AKAP13: variants seen among roughly 807,000 people sequenced by gnomAD.
The protein encoded by AKAP13 is A-kinase anchor protein 13.
A neutral mutation model predicts 264.5 loss-of-function variants in AKAP13; 80 were observed. That is an observed-to-expected ratio of 0.30 (90% CI 0.25 to 0.36). The LOEUF (loss-of-function observed/expected upper bound fraction) is 0.36. Among genes scored for constraint, AKAP13 ranks in the 10% least tolerant of loss-of-function variants. The probability of loss-of-function intolerance (pLI) is 1.00; values close to 1 mark genes in which losing one functional copy is unlikely to be tolerated. For synonymous variants in AKAP13, 1,380 were observed against 1,250.2 expected (o/e 1.10, Z -2.19); for missense variants, 3,712 against 3,435.2 (o/e 1.08, Z -2.01).
intron 23 of AKAP13, among the ~76,000 whole-genome samples, chr15:85,720,512 T>C (rs568383218): frequency 3.8e-4 from 58 of 152,356 alleles, no homozygotes; most frequent in Admixed American, 3.3e-3. Flanking sequence ...CATAGACAGA[T>C]TTTAATGTTT....
rs1199778083 is a variant in AKAP13 at position 85,669,702 on chromosome 15, T to G, written c.4993-20T>G. ...GAGAGTATATGCTTACAACGTGTTC[T>G]TCACTTTTTTACTTCACAGATATGT... On this transcript the variant is annotated intron_variant, in intron 13 of 36. Coordinates refer to ENST00000394518, the MANE Select transcript of AKAP13 (RefSeq NM_007200.5). 6.5e-7 allele frequency: 1 copy of G among 1,549,582 alleles called. No individual in the cohort carries two copies. Among genetic ancestry groups the G allele is most frequent in the Non-Finnish European group, 8.9e-7 (1 of 1,121,760 alleles).
At chr15:85,691,406 C>T (rs553506511) in intron 16 of AKAP13, among the ~76,000 whole-genome samples, 1 of 152,278 alleles carries the variant, frequency 6.6e-6, no homozygotes, top group South Asian at 2.1e-4. Flanking sequence ...TGAAATGTCC[C>T]TGACTGCTTT....
At chr15:85,506,444 A>T (rs564480573) in intron 2 of AKAP13, among the ~76,000 whole-genome samples, 1 of 152,342 alleles carries the variant, frequency 6.6e-6, no homozygotes, top group South Asian at 2.1e-4. Flanking sequence ...CCTCTCAGGA[A>T]GCTTACGTAA....
At chr15:85,550,781 CT>C (rs2077934794) in intron 5 of AKAP13, among the ~76,000 whole-genome samples, 1 of 152,204 alleles carries the variant, frequency 6.6e-6, no homozygotes, top group South Asian at 2.1e-4. Context: ...ATTCATCAGT[CT>C]GTCCATCCCT....
chr15:85,671,793 G>A (rs1212938635), intron 14 of AKAP13, among the ~76,000 whole-genome samples: 1 of 152,154 alleles, frequency 6.6e-6, no homozygotes, highest in Non-Finnish European at 1.5e-5. Context: ...AGACATTTCA[G>A]CTCAGCGTCC....
intron 1 of AKAP13, among the ~76,000 whole-genome samples, chr15:85,385,514 T>A (rs1172473237): frequency 6.6e-6 from 1 of 152,250 alleles, no homozygotes; most frequent in Non-Finnish European, 1.5e-5. Context: ...CCAGAATTCT[T>A]CTGAGCCCTT....
rs1225107680 is a variant in AKAP13 at position 85,543,925 on chromosome 15, G to T, written c.632G>T (p.Gly211Val). The change falls in exon 5 of 37, where the codon GGC becomes GTC. Residue 211 changes from glycine to valine, a missense_variant. Physicochemically the swap from Gly to Val is moderately radical, Grantham distance 109 (BLOSUM62 -3). Transcript: ENST00000394518. ...ATPVSLALER[G>V]YHKLHQLLTE... Reference sequence around the variant, plus strand: ...CCTGTGAGCTTGGCCTTGGAGCGAGGCTATCACAAGCTGCACCAGCTTCTA... The same window carrying T: ...CCTGTGAGCTTGGCCTTGGAGCGAGTCTATCACAAGCTGCACCAGCTTCTA... 2 of 1,613,206 alleles carry T rather than the reference G, an allele frequency of 1.2e-6. No individual in the cohort carries two copies. The highest frequency in any genetic ancestry group is 1.7e-6 in the Non-Finnish European group (2 of 1,179,440).
At chr15:85,398,447 T>A (rs2071228547) in intron 1 of AKAP13, among the ~76,000 whole-genome samples, 1 of 152,214 alleles carries the variant, frequency 6.6e-6, no homozygotes, top group African/African-American at 2.4e-5. Flanking sequence ...AGAGTGTGTG[T>A]ATGTACATAT....
intron 9 of AKAP13, among the ~76,000 whole-genome samples, chr15:85,645,025 T>C (rs1313214920): frequency 3.9e-5 from 6 of 152,124 alleles, no homozygotes; most frequent in Admixed American, 1.3e-4. Flanking sequence ...GAGGCTAAGG[T>C]GTGAGGATTG....
chr15:85,512,374 A>G (rs2076456900), intron 2 of AKAP13, among the ~76,000 whole-genome samples: 1 of 152,136 alleles, frequency 6.6e-6, no homozygotes, highest in Admixed American at 6.6e-5. Flanking sequence ...CTCCACCTCC[A>G]GACTCTTCCA....
chr15:85,476,218 G>A (rs1469261692), intron 1 of AKAP13, among the ~76,000 whole-genome samples: 1 of 152,142 alleles, frequency 6.6e-6, no homozygotes, highest in Non-Finnish European at 1.5e-5. Context: ...AGAGTGCTCA[G>A]TAAGGCTTTA....
intron 10 of AKAP13, among the ~76,000 whole-genome samples, chr15:85,650,764 A>AAAC (rs2082775602): frequency 9.3e-6 from 1 of 107,790 alleles, no homozygotes; most frequent in Non-Finnish European, 1.8e-5. Context: ...TCAAAAAAAA[A>AAAC]AAAAAAAAAA....
At chr15:85,602,709 TGAAC>T (rs2080144215) in intron 8 of AKAP13, among the ~76,000 whole-genome samples, 1 of 152,044 alleles carries the variant, frequency 6.6e-6, no homozygotes, top group African/African-American at 2.4e-5. Context: ...AGCCTGGTCT[TGAAC>T]TCCTGACCTA....
In AKAP13 at chr15:85,520,684, G is replaced by A. The variant is rs776343467; in HGVS notation, c.34-744G>A. On this transcript the variant is annotated intron_variant, in intron 2 of 36. Transcript: ENST00000394518. ...GGAAATACAAATTATTAGAAAAGCA[G>A]CCTCCTATTGAAATAGGTTAAAAAT... is the stretch of plus-strand genomic sequence containing the variant. 20 of 518,868 alleles carry A rather than the reference G, an allele frequency of 3.9e-5. 1 individual carries two copies. The highest frequency in any genetic ancestry group is 2.7e-4 in the South Asian group (19 of 71,590). 32.1% of individuals were successfully genotyped at this position (518,868 alleles called of 1,614,324 possible).
intron 5 of AKAP13, among the ~76,000 whole-genome samples, chr15:85,549,374 C>T (rs564984270): frequency 6.6e-6 from 1 of 152,278 alleles, no homozygotes; most frequent in East Asian, 1.9e-4. Flanking sequence ...CATACAAGTG[C>T]TGAAATATTT....
intron 5 of AKAP13, among the ~76,000 whole-genome samples, chr15:85,568,991 TAAG>T (rs1299514615): frequency 1.3e-5 from 2 of 152,122 alleles, no homozygotes; most frequent in African/African-American, 2.4e-5. Context: ...GGATTTGAAA[TAAG>T]GAGCTGAATG....
At chr15:85,663,713 A>C (rs946457299) in intron 12 of AKAP13, among the ~76,000 whole-genome samples, 3 of 152,186 alleles carry the variant, frequency 2.0e-5, no homozygotes. Context: ...AACAGATGTG[A>C]ATTACTCTAG....
intron 8 of AKAP13, chr15:85,620,211 A>C (rs1444102603): frequency 6.5e-7 from 1 of 1,529,936 alleles, no homozygotes; most frequent in African/African-American, 1.4e-5. Context: ...GAAGCTCTGC[A>C]GGCTGTTTTA....
chr15:85,650,755 CAAAAAAAAAAAAAAAAAA>C (rs66624781), intron 10 of AKAP13, among the ~76,000 whole-genome samples: 25 of 32,624 alleles, frequency 7.7e-4, no homozygotes, highest in Admixed American at 1.9e-3. Flanking sequence ...GACTCCATCT[CAAAAAAAAAAAAAAAAAA>C]AAAAAAAAAA....
Sources: allele counts gnomAD v4.1 joint callset (sites outside exome capture counted in the v4.1 genomes callset), GRCh38; gene constraint gnomAD v4.1.1; transcripts MANE v1.5; gene names NCBI Gene and HGNC (gene_info 2026-07-23, HGNC 2026-07-21).